Variants in INTS14 observed in about 807,000 individuals in gnomAD.
INTS14 encodes UPF0464 protein C15orf44.
INTS14 carries 27 observed loss-of-function variants against 56.9 expected under a neutral mutation model. The ratio of observed to expected loss-of-function variants is 0.47; its 90% CI spans 0.35 to 0.65. The LOEUF (loss-of-function observed/expected upper bound fraction) is 0.65, where lower values mean the gene tolerates loss of function less well. Among genes scored for constraint, INTS14 ranks in the 30% least tolerant of loss-of-function variants. The probability of loss-of-function intolerance (pLI) is 0.00; values close to 1 mark genes in which losing one functional copy is unlikely to be tolerated. For missense variants in INTS14, 517 were observed against 632.2 expected (o/e 0.82, Z 1.95); for synonymous variants, 207 against 236.2 (o/e 0.88, Z 1.13).
In INTS14 at chr15:65,598,703, T is replaced by A. The variant is rs565485295; in HGVS notation, c.605+169A>T. The A allele has an allele frequency of 5.9e-5, 42 of 707,138 alleles. 1 individual carries two copies. The South Asian group carries it at 8.5e-4, about 14-fold the overall frequency. The allele number at this position is 707,138 out of a possible 1,614,324, so 43.8% of individuals were successfully genotyped here. Reference sequence around the variant, plus strand: ...AGGAAGTCAGTATCTACAGACAGTATAGATTTACTTTAAAAAACCATTACT... The same window carrying A: ...AGGAAGTCAGTATCTACAGACAGTAAAGATTTACTTTAAAAAACCATTACT... On this transcript the variant is annotated intron_variant, in intron 5 of 11. Coordinates refer to ENST00000313182, the MANE Select transcript of INTS14 (RefSeq NM_001394796.1).
intron 3 of INTS14, among the ~76,000 whole-genome samples, chr15:65,602,342 G>C (rs1303093392): frequency 6.7e-6 from 1 of 149,250 alleles, no homozygotes; most frequent in Admixed American, 6.6e-5. Flanking sequence ...CTGGAGTGCA[G>C]TGGCACGTTC....
intron 3 of INTS14, 124 bp from the exon 4 acceptor site, chr15:65,600,053 A>G: frequency 9.2e-7 from 1 of 1,091,660 alleles, no homozygotes; most frequent in Non-Finnish European, 1.3e-6. Context: ...CAAGCCTGTA[A>G]TCCCAGTGCT....
At chr15:65,608,317 A>C (rs2073729194) in intron 1 of INTS14, among the ~76,000 whole-genome samples, 2 of 143,474 alleles carry the variant, frequency 1.4e-5, no homozygotes, top group Non-Finnish European at 3.0e-5. Flanking sequence ...AGATCGTGCC[A>C]CTGCACTCCA....
Position 65,602,921 on chromosome 15 carries a change from G to T in INTS14, c.330+2208C>A, listed in dbSNP as rs1362155268. 2.0e-5 allele frequency among the ~76,000 whole-genome samples: 3 copies of T among 152,050 alleles called. No individual in the cohort carries two copies. The East Asian group carries it at 5.8e-4, about 29-fold the overall frequency. ...TTCAGATTCTTCCTTTTTTTCAAAA[G>T]AAGAAAATCATAAAAGTCAGAAGTC... On this transcript the variant is annotated intron_variant, in intron 3 of 11. Coordinates refer to ENST00000313182, the MANE Select transcript of INTS14 (RefSeq NM_001394796.1).
At position 65,584,757 on chromosome 15, in the gene INTS14, A is replaced by G; in HGVS notation, c.1239+13T>C. 8.1e-6 allele frequency: 13 copies of G among 1,607,896 alleles called. No individual in the cohort carries two copies. The highest frequency in any genetic ancestry group is 1.1e-5 in the Non-Finnish European group (13 of 1,176,414). On this transcript the variant is annotated intron_variant, in intron 10 of 11. Coordinates refer to ENST00000313182, the MANE Select transcript of INTS14 (RefSeq NM_001394796.1). ...CTGTCCCCAGTGGAAAGCAACATAA[A>G]TGGTAATGTTACCTGCAGGCCGCTG...
At chr15:65,599,102 T>C in intron 4 of INTS14, 112 bp from the exon 5 acceptor site, 1 of 662,354 alleles carries the variant, frequency 1.5e-6, no homozygotes. Context: ...TAACAGATGA[T>C]TTTTTTAATA....
chr15:65,603,317 T>C (rs1327917301), intron 3 of INTS14, among the ~76,000 whole-genome samples: 1 of 152,220 alleles, frequency 6.6e-6, no homozygotes, highest in Non-Finnish European at 1.5e-5. Context: ...TTACATGCAG[T>C]AAAATCACCC....
At chr15:65,581,839 A>G (rs2072632709) in intron 11 of INTS14, 115 bp downstream of exon 11, 1 of 1,059,156 alleles carries the variant, frequency 9.4e-7, no homozygotes, top group Admixed American at 2.6e-5. Context: ...TTTATTTGAA[A>G]AAACTGAGGC....
At chr15:65,592,728 A>G (rs368483404) in intron 8 of INTS14, among the ~76,000 whole-genome samples, 2 of 152,156 alleles carry the variant, frequency 1.3e-5, no homozygotes, top group East Asian at 1.9e-4. Context: ...AAAATGCTCA[A>G]TGTTATTAGC....
intron 5 of INTS14, 86 bp downstream of exon 5, chr15:65,598,786 G>T: frequency 4.6e-6 from 5 of 1,080,648 alleles, no homozygotes; most frequent in South Asian, 3.1e-5. Flanking sequence ...ACACAATTAG[G>T]AACAGTAAAA....
intron 11 of INTS14, 58 bp from the exon 12 acceptor site, chr15:65,579,717 C>G (rs1334732287): frequency 3.2e-6 from 5 of 1,567,442 alleles, no homozygotes; most frequent in Admixed American, 1.8e-5. Flanking sequence ...CACATACTTT[C>G]TAAGTGCTCA....
intron 9 of INTS14, among the ~76,000 whole-genome samples, chr15:65,587,121 C>T (rs1355799337): frequency 6.6e-6 from 1 of 152,070 alleles, no homozygotes; most frequent in Non-Finnish European, 1.5e-5. Flanking sequence ...GAACTCAATT[C>T]CCAACCAAAC....
chr15:65,579,392 G>A lies in INTS14; in HGVS notation c.*16C>T. 5.0e-6 allele frequency: 8 copies of A among 1,600,590 alleles called. No homozygotes were observed. Among genetic ancestry groups the A allele is most frequent in the Non-Finnish European group, 6.0e-6 (7 of 1,169,766 alleles). On this transcript the variant is annotated 3_prime_UTR_variant, in exon 12 of 12. Coordinates refer to ENST00000313182, the MANE Select transcript of INTS14 (RefSeq NM_001394796.1). The stretch of plus-strand genomic sequence containing the variant: ...CAGTTGAAATGAAAAAAGAAGGAAA[G>A]CTCCAAAAGTCAGTTTCAAATTCTT...
intron 1 of INTS14, among the ~76,000 whole-genome samples, chr15:65,608,551 C>T (rs137903747): frequency 6.7e-4 from 102 of 152,150 alleles, no homozygotes; most frequent in African/African-American, 2.3e-3. Context: ...GGTATATAGC[C>T]TGCTGCTACT....
intron 8 of INTS14, 136 bp downstream of exon 8, chr15:65,593,292 G>T: frequency 1.8e-6 from 2 of 1,083,460 alleles, no homozygotes; most frequent in Non-Finnish European, 1.3e-6. Context: ...GTAGTAGCAG[G>T]TGGGAAAAGT....
intron 9 of INTS14, among the ~76,000 whole-genome samples, chr15:65,590,073 C>T (rs1386327378): frequency 1.3e-5 from 2 of 152,172 alleles, no homozygotes; most frequent in Non-Finnish European, 2.9e-5. Flanking sequence ...CTTCTCTCTC[C>T]ATAATTTTCA....
At chr15:65,605,089 T>C in intron 3 of INTS14, 40 bp downstream of exon 3, 1 of 1,473,248 alleles carries the variant, frequency 6.8e-7, no homozygotes, top group Non-Finnish European at 9.5e-7. Context: ...CAGTGGTTAA[T>C]GTTGTTAACT....
rs971425473 is a variant in INTS14 at position 65,598,348 on chromosome 15, C to A, written c.721G>T (p.Asp241Tyr). ...PEPFVVDEEI[D>Y]PIPKVINTDL... Reference sequence around the variant, plus strand: ...GTGTTAATGACTTTAGGGATAGGATCAATTTCTTCATCTACAACAAAAGGT... The same window carrying A: ...GTGTTAATGACTTTAGGGATAGGATAAATTTCTTCATCTACAACAAAAGGT... Residue 241 changes from aspartate (D) to tyrosine (Y), a missense_variant, in exon 6 of 12, where the codon GAT (aspartate) becomes TAT (tyrosine). Physicochemically the swap from Asp to Tyr is radical, Grantham distance 160. Coordinates refer to ENST00000313182, the MANE Select transcript of INTS14 (RefSeq NM_001394796.1). 6.2e-7 allele frequency: 1 copy of A among 1,613,852 alleles called. No homozygotes were observed. Among genetic ancestry groups the A allele is most frequent in the Admixed American group, 1.7e-5 (1 of 59,978 alleles).
intron 10 of INTS14, 60 bp from the exon 11 acceptor site, chr15:65,582,079 TATAAA>T: frequency 7.2e-7 from 1 of 1,381,648 alleles, no homozygotes; most frequent in Non-Finnish European, 1.0e-6. Flanking sequence ...AGGGAAATAA[TATAAA>T]AGAATGGATC....
Sources: allele counts gnomAD v4.1 joint callset (sites outside exome capture counted in the v4.1 genomes callset), GRCh38; gene constraint gnomAD v4.1.1; transcripts MANE v1.5; gene names NCBI Gene and HGNC (gene_info 2026-07-23, HGNC 2026-07-21).